Variants in NAV2 observed in about 807,000 individuals in gnomAD.
The protein encoded by NAV2 is neuron navigator 2, also known as helicase, APC down-regulated 1.
A neutral mutation model predicts 223.2 loss-of-function variants in NAV2; 54 were observed. The ratio of observed to expected loss-of-function variants is 0.24; its 90% CI spans 0.19 to 0.30. The LOEUF is 0.30. NAV2 is among the 10% of genes least tolerant of loss of function. NAV2 has a pLI of 1.00. For synonymous variants in NAV2, 1,279 were observed against 1,239.3 expected (o/e 1.03, Z -0.67); for missense variants, 2,806 against 3,147.5 (o/e 0.89, Z 2.60).
Position 20,045,196 on chromosome 11 carries a change from C to G in NAV2, c.3428C>G (p.Thr1143Ser). 2 of 1,614,178 alleles carry G rather than the reference C, an allele frequency of 1.2e-6. No homozygotes were observed. The highest frequency in any genetic ancestry group is 4.5e-5 in the East Asian group (2 of 44,874). ...AMITASGVTVTSRSATLGKIP... is the reference protein window; with the variant it reads ...AMITASGVTVSSRSATLGKIP... ...ATCACAGCCAGCGGGGTGACTGTCA[C>G]CAGCAGGTCAGCCACACTGGGCAAA... The change falls in exon 14 of 38, where the codon ACC (threonine) becomes AGC (serine). Residue 1143 changes from threonine (T) to serine (S), a missense_variant. Coordinates refer to ENST00000349880, the MANE Select transcript of NAV2 (RefSeq NM_145117.5).
chr11:20,099,359 C>T (rs181869537), intron 31 of NAV2, among the ~76,000 whole-genome samples: 2 of 152,290 alleles, frequency 1.3e-5, no homozygotes, highest in East Asian at 1.9e-4. Flanking sequence ...GCCAAGCATG[C>T]GTTGTTCACT....
At chr11:19,563,086 C>T (rs935986146) in intron 1 of NAV2, among the ~76,000 whole-genome samples, 1 of 152,190 alleles carries the variant, frequency 6.6e-6, no homozygotes, top group African/African-American at 2.4e-5. Flanking sequence ...AGTTTGATTG[C>T]TATGAGAGCT....
intron 1 of NAV2, among the ~76,000 whole-genome samples, chr11:19,616,303 A>ACT (rs1310450692): frequency 2.4e-5 from 1 of 41,822 alleles, no homozygotes; most frequent in African/African-American, 1.4e-4. Flanking sequence ...TTTGCTTCTG[A>ACT]CTGTGTGTGT....
chr11:19,545,096 C>T (rs185228790), intron 1 of NAV2, among the ~76,000 whole-genome samples: 49 of 152,330 alleles, frequency 3.2e-4, no homozygotes, highest in Middle Eastern at 6.8e-3. Flanking sequence ...CCCATGAAGT[C>T]GTTCTGGCCT....
intron 1 of NAV2, among the ~76,000 whole-genome samples, chr11:19,458,558 C>A (rs1758919940): frequency 6.6e-6 from 1 of 152,228 alleles, no homozygotes; most frequent in South Asian, 2.1e-4. Context: ...AGGCACTTGT[C>A]TAAGTGCTTC....
chr11:20,022,247 C>T (rs1475296995), intron 11 of NAV2, among the ~76,000 whole-genome samples: 1 of 152,178 alleles, frequency 6.6e-6, no homozygotes, highest in Non-Finnish European at 1.5e-5. Context: ...CATCTGTTTA[C>T]ATAGTTCTTT....
At chr11:19,732,292 T>C (rs1343429186) in intron 1 of NAV2, among the ~76,000 whole-genome samples, 1 of 151,954 alleles carries the variant, frequency 6.6e-6, no homozygotes, top group Non-Finnish European at 1.5e-5. Flanking sequence ...GGCTGGAAAT[T>C]CAAACAGGCC....
At chr11:19,560,473 G>A (rs896436648) in intron 1 of NAV2, among the ~76,000 whole-genome samples, 3 of 151,960 alleles carry the variant, frequency 2.0e-5, no homozygotes, top group African/African-American at 7.3e-5. Context: ...CCTTTATAAC[G>A]AGCAATGTGC....
intron 1 of NAV2, among the ~76,000 whole-genome samples, chr11:19,648,587 G>A (rs1239669841): frequency 6.6e-6 from 1 of 152,158 alleles, no homozygotes; most frequent in Non-Finnish European, 1.5e-5. Context: ...TGTTTGTTGG[G>A]TGCTGGCCTT....
At chr11:19,554,350 A>C (rs1199475968) in intron 1 of NAV2, among the ~76,000 whole-genome samples, 1 of 152,184 alleles carries the variant, frequency 6.6e-6, no homozygotes, top group East Asian at 1.9e-4. Context: ...GCCAATGCCC[A>C]CACTAGGCCA....
At chr11:19,467,972 G>A (rs1482754679) in intron 1 of NAV2, among the ~76,000 whole-genome samples, 1 of 152,228 alleles carries the variant, frequency 6.6e-6, no homozygotes, top group Admixed American at 6.5e-5. Context: ...AATCAACAGC[G>A]AGTCTTCCAG....
At chr11:19,942,267 T>C (rs1427706714) in intron 8 of NAV2, among the ~76,000 whole-genome samples, 1 of 152,198 alleles carries the variant, frequency 6.6e-6, no homozygotes, top group Non-Finnish European at 1.5e-5. Context: ...CCTAAGCATG[T>C]CAGGTGGGTT....
At position 19,372,445 on chromosome 11, in the gene NAV2, G is replaced by C. The variant is rs554748590; in HGVS notation, c.75+21418G>C. ...TTGTGAATAGATGACAGCTGGGCTT[G>C]TATTTTCTTCAGATGGAGCTTGGCC... On this transcript the variant is annotated intron_variant, in intron 1 of 37. Coordinates refer to the NAV2 transcript ENST00000360655. Among the ~76,000 whole-genome samples, 15 of 152,334 alleles carry C rather than the reference G, an allele frequency of 9.8e-5. No individual in the cohort carries two copies. In the South Asian group the frequency reaches 3.1e-3, roughly 32 times the overall value.
intron 1 of NAV2, among the ~76,000 whole-genome samples, chr11:19,398,162 T>TC (rs1397578834): frequency 6.6e-6 from 1 of 152,092 alleles, no homozygotes; most frequent in Non-Finnish European, 1.5e-5. Flanking sequence ...GGCATCTGCT[T>TC]CTGGGGAGGC....
intron 12 of NAV2, among the ~76,000 whole-genome samples, chr11:20,040,602 C>G (rs1045037025): frequency 6.6e-6 from 1 of 152,232 alleles, no homozygotes; most frequent in South Asian, 2.1e-4. Context: ...CTCTTGCTCT[C>G]AGAAGACTGG....
At chr11:19,873,464 G>A (rs1038368902) in intron 4 of NAV2, among the ~76,000 whole-genome samples, 5 of 152,184 alleles carry the variant, frequency 3.3e-5, no homozygotes, top group Non-Finnish European at 7.4e-5. Context: ...TTAATATGAT[G>A]GGGGGAAACC....
At chr11:19,964,639 G>C (rs1262114961) in intron 10 of NAV2, among the ~76,000 whole-genome samples, 1 of 151,622 alleles carries the variant, frequency 6.6e-6, no homozygotes, top group African/African-American at 2.4e-5. Flanking sequence ...AGGACTATAG[G>C]CATGTACCAC....
At chr11:20,112,408 C>T (rs1031254103) in intron 36 of NAV2, among the ~76,000 whole-genome samples, 1 of 152,120 alleles carries the variant, frequency 6.6e-6, no homozygotes, top group African/African-American at 2.4e-5. Flanking sequence ...TCATAGGAGG[C>T]TGCATGACTT....
chr11:20,062,536 A>G (rs903177545), intron 20 of NAV2, among the ~76,000 whole-genome samples, 177 bp downstream of exon 20: 1 of 152,246 alleles, frequency 6.6e-6, no homozygotes, highest in Non-Finnish European at 1.5e-5. Context: ...ATATTATACC[A>G]ACCCCAAAAT....
Sources: allele counts gnomAD v4.1 joint callset (sites outside exome capture counted in the v4.1 genomes callset), GRCh38; gene constraint gnomAD v4.1.1; transcripts MANE v1.5; gene names NCBI Gene and HGNC (gene_info 2026-07-23, HGNC 2026-07-21).